Variants in NEBL observed in about 807,000 individuals in gnomAD.
The protein encoded by NEBL is nebulette.
A neutral mutation model predicts 140.2 loss-of-function variants in NEBL; 122 were observed. That is an observed-to-expected ratio of 0.87 (90% CI 0.75 to 1.01). NEBL has a LOEUF of 1.01. NEBL is among the 50% of genes least tolerant of loss of function. The probability of loss-of-function intolerance (pLI) is 0.00; values close to 1 mark genes in which losing one functional copy is unlikely to be tolerated. For synonymous variants in NEBL, 436 were observed against 398.9 expected, an observed-to-expected ratio of 1.09 and a Z score of -1.11; for missense variants, 1,365 against 1,231.3, an observed-to-expected ratio of 1.11 and a Z score of -1.62.
intron 1 of NEBL, among the ~76,000 whole-genome samples, chr10:21,278,214 G>A (rs1346258666): frequency 6.6e-6 from 1 of 152,308 alleles, no homozygotes; most frequent in South Asian, 2.1e-4. Flanking sequence ...CCTGAGGCGG[G>A]AGAATTGCTT....
chr10:20,824,496 G>A (rs1233279489), intron 18 of NEBL, among the ~76,000 whole-genome samples: 1 of 152,200 alleles, frequency 6.6e-6, no homozygotes, highest in Admixed American at 6.5e-5. Flanking sequence ...TCTTAAGACA[G>A]AGAGCTAACA....
chr10:21,186,210 A>G (rs372089056), intron 3 of NEBL, among the ~76,000 whole-genome samples: 68 of 152,168 alleles, frequency 4.5e-4, no homozygotes, highest in African/African-American at 1.5e-3. Flanking sequence ...GTGAAATCAG[A>G]GAGAACATAC....
At chr10:21,199,049 G>T (rs567476683) in intron 3 of NEBL, among the ~76,000 whole-genome samples, 1 of 150,900 alleles carries the variant, frequency 6.6e-6, no homozygotes, top group African/African-American at 2.4e-5. Flanking sequence ...CTGCACAACA[G>T]GGTCTTGCTG....
intron 4 of NEBL, among the ~76,000 whole-genome samples, chr10:20,924,955 C>G (rs1833819682): frequency 6.6e-6 from 1 of 151,772 alleles, no homozygotes; most frequent in African/African-American, 2.4e-5. Context: ...TCTCCCCCAT[C>G]TGCAGACCCC....
At chr10:21,287,531 G>A (rs373516312) in intron 1 of NEBL, among the ~76,000 whole-genome samples, 8 of 152,164 alleles carry the variant, frequency 5.3e-5, no homozygotes, top group African/African-American at 9.6e-5. Context: ...GTGAGACTCC[G>A]TGGAAAAGAA....
At chr10:21,008,188 A>G (rs905578946) in intron 3 of NEBL, among the ~76,000 whole-genome samples, 1 of 152,212 alleles carries the variant, frequency 6.6e-6, no homozygotes. Flanking sequence ...ACATGCATAT[A>G]TTTATATGCA....
chr10:21,062,505 A>G (rs949894755), intron 2 of NEBL, among the ~76,000 whole-genome samples: 1 of 151,906 alleles, frequency 6.6e-6, no homozygotes, highest in Non-Finnish European at 1.5e-5. Context: ...TACAAAAAAA[A>G]TTAAAAAATA....
At chr10:20,818,974 T>C in intron 20 of NEBL, 1 of 959,908 alleles carries the variant, frequency 1.0e-6, no homozygotes, top group Non-Finnish European at 1.2e-6. Flanking sequence ...TGTTAAATTT[T>C]ACAAAAGAAT....
intron 2 of NEBL, among the ~76,000 whole-genome samples, chr10:21,062,569 C>T (rs1379107426): frequency 6.6e-6 from 1 of 151,970 alleles, no homozygotes; most frequent in Admixed American, 6.6e-5. Flanking sequence ...CACCTGTGGT[C>T]CCAGCTACAC....
intron 1 of NEBL, among the ~76,000 whole-genome samples, chr10:21,279,059 C>T (rs1402782235): frequency 6.6e-6 from 1 of 152,072 alleles, no homozygotes; most frequent in Non-Finnish European, 1.5e-5. Context: ...CTTACAGAGG[C>T]GGGCAGAATT....
At chr10:21,235,417 C>T (rs572206167) in intron 3 of NEBL, among the ~76,000 whole-genome samples, 4 of 152,176 alleles carry the variant, frequency 2.6e-5, no homozygotes, top group African/African-American at 4.8e-5. Flanking sequence ...CGGGTTCAAG[C>T]GATTCTCCTG....
At chr10:20,955,503 T>C (rs1260055423) in intron 4 of NEBL, among the ~76,000 whole-genome samples, 3 of 152,112 alleles carry the variant, frequency 2.0e-5, no homozygotes, top group East Asian at 1.9e-4. Flanking sequence ...ACAGAGTAAG[T>C]AGGCAGGCCT....
chr10:20,915,127 T>A (rs1337842614), intron 4 of NEBL, among the ~76,000 whole-genome samples: 2 of 152,042 alleles, frequency 1.3e-5, no homozygotes, highest in Non-Finnish European at 2.9e-5. Flanking sequence ...CAGTAAAAGT[T>A]ATTTATCATA....
chr10:21,009,359 C>T (rs982759631), intron 3 of NEBL, among the ~76,000 whole-genome samples: 3 of 152,132 alleles, frequency 2.0e-5, no homozygotes, highest in Non-Finnish European at 4.4e-5. Flanking sequence ...TTAGATTTAT[C>T]TTAGAAGACA....
chr10:20,956,179 G>A (rs370458891), intron 4 of NEBL, among the ~76,000 whole-genome samples: 3 of 152,124 alleles, frequency 2.0e-5, no homozygotes, highest in African/African-American at 4.8e-5. Context: ...AAACAAGAAA[G>A]GACCAAGAGG....
At chr10:21,090,961 T>C (rs540267518) in intron 2 of NEBL, among the ~76,000 whole-genome samples, 1 of 152,178 alleles carries the variant, frequency 6.6e-6, no homozygotes, top group East Asian at 1.9e-4. Flanking sequence ...AAAATGCCAA[T>C]TTTTTCCCAG....
At chr10:20,934,924 G>C (rs946962614) in intron 4 of NEBL, among the ~76,000 whole-genome samples, 1 of 152,156 alleles carries the variant, frequency 6.6e-6, no homozygotes, top group Non-Finnish European at 1.5e-5. Flanking sequence ...ACAGTATCAC[G>C]ATAGGTCAAG....
At chr10:20,897,637 C>T (rs191070089), upstream of NEBL, 48 of 720,778 alleles carry the variant, frequency 6.7e-5, no homozygotes, top group Middle Eastern at 1.4e-3. Context: ...CTCAAAGATT[C>T]CTTGTCTCTG....
intron 4 of NEBL, among the ~76,000 whole-genome samples, chr10:20,906,830 G>A (rs937751757): frequency 4.6e-5 from 7 of 152,140 alleles, no homozygotes; most frequent in East Asian, 1.9e-4. Context: ...TCCAGTCAAC[G>A]AACAAAACCA....
Sources: gnomAD v4.1 joint callset for allele counts (sites outside exome capture counted in the v4.1 genomes callset) on GRCh38, gnomAD v4.1.1 for gene constraint, MANE v1.5 for transcripts, NCBI Gene and HGNC (gene_info 2026-07-23, HGNC 2026-07-21) for gene names.